Variants in SH3KBP1 observed in about 807,000 individuals in gnomAD.
The protein encoded by SH3KBP1 is SH3 domain-containing kinase-binding protein 1.
Under a neutral mutation model 50.1 loss-of-function variants are expected in SH3KBP1, and 8 were observed. The ratio of observed to expected loss-of-function variants is 0.16; its 90% confidence interval spans 0.09 to 0.29. The LOEUF (loss-of-function observed/expected upper bound fraction) is 0.29. Among genes scored for constraint, SH3KBP1 ranks in the 10% least tolerant of loss-of-function variants. SH3KBP1 has a pLI of 1.00. For synonymous variants in SH3KBP1, 227 were observed against 218.6 expected (o/e 1.04, Z -0.34); for missense variants, 377 against 535.2 (o/e 0.70, Z 2.92).
At chrX:19,834,414 C>T (rs181046504) in intron 2 of SH3KBP1, among the ~76,000 whole-genome samples, 2 of 112,038 alleles carry the variant, frequency 1.8e-5, no homozygotes, top group South Asian at 3.7e-4. Flanking sequence ...GCAGGTCTTC[C>T]CACTGAGGAC....
At chrX:19,540,005 A>G (rs4825304) in intron 16 of SH3KBP1, among the ~76,000 whole-genome samples, 37,802 of 110,481 alleles carry the variant, frequency 0.34, 6,204 homozygotes, top group African/African-American at 0.65. Flanking sequence ...GGGTCCAAAC[A>G]GCTAAAGCCC....
intron 8 of SH3KBP1, among the ~76,000 whole-genome samples, chrX:19,614,036 G>A (rs1224300914): frequency 8.8e-6 from 1 of 113,099 alleles, no homozygotes. Flanking sequence ...ACACTCATGT[G>A]CATTTGTCAT....
At chrX:19,712,278 A>T (rs188992517) in intron 3 of SH3KBP1, among the ~76,000 whole-genome samples, 10 of 112,295 alleles carry the variant, frequency 8.9e-5, no homozygotes, top group Admixed American at 2.8e-4. Flanking sequence ...CATTTAAGGG[A>T]TAATTTCAAA....
intron 2 of SH3KBP1, among the ~76,000 whole-genome samples, chrX:19,765,715 T>C (rs1287438128): frequency 1.8e-5 from 2 of 111,573 alleles, no homozygotes; most frequent in Non-Finnish European, 3.8e-5. Flanking sequence ...AAACAACTCC[T>C]TTCTCCCCTC....
In SH3KBP1 at chrX:19,849,316, T is replaced by G. The variant is rs201242804; in HGVS notation, c.5-13034A>C. Among the ~76,000 whole-genome samples, 9 of 111,559 alleles carry G rather than the reference T, an allele frequency of 8.1e-5. No individual in the cohort carries two copies. In the East Asian group the frequency reaches 2.2e-3, roughly 28 times the overall value. ...AGGAGGCAATCTGCAAAATCCAGGC[T>G]GTAGGACTGTAGGCAAATGACTTAG... On this transcript the variant is annotated intron_variant, in intron 1 of 17. Transcript: ENST00000397821.
intron 4 of SH3KBP1, among the ~76,000 whole-genome samples, chrX:19,696,232 T>C (rs1344357633): frequency 8.9e-6 from 1 of 112,342 alleles, no homozygotes; most frequent in Non-Finnish European, 1.9e-5. Flanking sequence ...GATTACTATA[T>C]CAAAATTTGG....
intron 2 of SH3KBP1, among the ~76,000 whole-genome samples, chrX:19,831,155 G>A (rs1224639595): frequency 8.9e-6 from 1 of 112,202 alleles, no homozygotes; most frequent in Non-Finnish European, 1.9e-5. Flanking sequence ...GGTGGCTCAC[G>A]CCTGTAATCC....
chrX:19,877,925 A>G (rs909183199), intron 1 of SH3KBP1, among the ~76,000 whole-genome samples: 1 of 112,244 alleles, frequency 8.9e-6, no homozygotes, highest in African/African-American at 3.2e-5. Flanking sequence ...GGCCACAGAA[A>G]GGAAGTAAGC....
At chrX:19,652,477 T>TAC (rs1220316646) in intron 6 of SH3KBP1, among the ~76,000 whole-genome samples, 1 of 110,753 alleles carries the variant, frequency 9.0e-6, no homozygotes, top group Non-Finnish European at 1.9e-5. Context: ...CACGTATGCG[T>TAC]ACACACACAC....
chrX:19,592,028 T>A (rs2066762992), intron 11 of SH3KBP1, 39 bp downstream of exon 11: 3 of 1,070,808 alleles, frequency 2.8e-6, no homozygotes, highest in Non-Finnish European at 3.9e-6. Context: ...CTTCAGCTCC[T>A]GCTGTTCTGG....
At chrX:19,546,652 A>G (rs2065091867) in intron 14 of SH3KBP1, among the ~76,000 whole-genome samples, 1 of 112,349 alleles carries the variant, frequency 8.9e-6, no homozygotes, top group Admixed American at 9.4e-5. Context: ...TCAGCTTGAG[A>G]GCACAGCCCT....
intron 2 of SH3KBP1, among the ~76,000 whole-genome samples, chrX:19,760,906 G>T (rs2065401693): frequency 9.2e-6 from 1 of 108,776 alleles, no homozygotes; most frequent in Non-Finnish European, 1.9e-5. Context: ...TAGTGTGGTT[G>T]GTTTTGAAGA....
chrX:19,664,139 A>C (rs190091395), intron 6 of SH3KBP1, among the ~76,000 whole-genome samples: 170 of 111,883 alleles, frequency 1.5e-3, no homozygotes, highest in Non-Finnish European at 2.8e-3. Flanking sequence ...CAGAGAGACC[A>C]CAGAACAGTC....
At chrX:19,584,572 A>G (rs953440773) in intron 12 of SH3KBP1, among the ~76,000 whole-genome samples, 1 of 109,996 alleles carries the variant, frequency 9.1e-6, no homozygotes, top group African/African-American at 3.3e-5. Flanking sequence ...GCCTCAAGTT[A>G]TCCTTCCACC....
intron 9 of SH3KBP1, among the ~76,000 whole-genome samples, chrX:19,603,217 TG>T (rs1240982623): frequency 2.7e-5 from 3 of 112,275 alleles, no homozygotes; most frequent in Non-Finnish European, 5.6e-5. Flanking sequence ...GAGCCTCAAG[TG>T]ATACCTGCCA....
chrX:19,762,760 T>C (rs989307380), intron 2 of SH3KBP1, among the ~76,000 whole-genome samples: 1 of 111,814 alleles, frequency 8.9e-6, no homozygotes, highest in Non-Finnish European at 1.9e-5. Flanking sequence ...GCGTTATTTG[T>C]CACCATACCA....
intron 8 of SH3KBP1, among the ~76,000 whole-genome samples, chrX:19,622,517 A>G (rs1230086663): frequency 8.9e-6 from 1 of 112,256 alleles, no homozygotes; most frequent in East Asian, 2.8e-4. Flanking sequence ...GGCTTTCTAA[A>G]TGCTTTACCT....
chrX:19,644,579 T>C (rs1310889599), intron 7 of SH3KBP1, among the ~76,000 whole-genome samples: 1 of 112,295 alleles, frequency 8.9e-6, no homozygotes, highest in Admixed American at 9.4e-5. Flanking sequence ...CACATGACTA[T>C]TGAGTGCTTG....
chrX:19,592,140 A>G lies in SH3KBP1; in HGVS notation c.1065T>C (p.Thr355=). The G allele has an allele frequency of 8.4e-7, 1 of 1,193,378 alleles. No individual in the cohort carries two copies. Among genetic ancestry groups the G allele is most frequent in the African/African-American group, 1.7e-5 (1 of 57,346 alleles). The change falls in exon 11 of 18, where the codon ACT becomes ACC. Residue 355 remains threonine (T), a synonymous_variant. Coordinates refer to ENST00000397821, the MANE Select transcript of SH3KBP1 (RefSeq NM_031892.3). The part of the protein sequence containing the change: ...APVIKQGAGT[T]ERKHEIKKIP... Reference sequence around the variant, plus strand: ...TCTTTTTAATTTCATGTTTTCTCTCAGTGGTGCCTAGGAGGGAAAGGGTAA... The same window carrying G: ...TCTTTTTAATTTCATGTTTTCTCTCGGTGGTGCCTAGGAGGGAAAGGGTAA...
Sources: allele counts gnomAD v4.1 joint callset (sites outside exome capture counted in the v4.1 genomes callset), GRCh38; gene constraint gnomAD v4.1.1; transcripts MANE v1.5; gene names NCBI Gene and HGNC (gene_info 2026-07-23, HGNC 2026-07-21).